The following IMMP2L variants were observed in gnomAD, a reference collection of about 807,000 sequenced individuals.
IMMP2L encodes mitochondrial inner membrane protease subunit 2.
Under a neutral mutation model 19.3 loss-of-function variants are expected in IMMP2L, and 18 were observed. The ratio of observed to expected loss-of-function variants is 0.93; its 90% CI spans 0.64 to 1.38. The LOEUF is 1.38. Ranked by LOEUF, IMMP2L falls within the 40% of genes most tolerant of loss-of-function variation. The pLI is 0.00. For synonymous variants in IMMP2L, 76 were observed against 73.0 expected, an observed-to-expected ratio of 1.04 and a Z score of -0.21; for missense variants, 233 against 218.2, an observed-to-expected ratio of 1.07 and a Z score of -0.43.
intron 3 of IMMP2L, among the ~76,000 whole-genome samples, chr7:111,286,559 T>C (rs779755600): frequency 3.3e-5 from 5 of 152,168 alleles, no homozygotes; most frequent in Non-Finnish European, 5.9e-5. Context: ...AGAAATATTA[T>C]GCAAATATTA....
intron 3 of IMMP2L, among the ~76,000 whole-genome samples, chr7:111,161,754 A>G (rs1805287685): frequency 6.6e-6 from 1 of 151,986 alleles, no homozygotes; most frequent in Non-Finnish European, 1.5e-5. Flanking sequence ...ATAGTAGCGA[A>G]CAGACTTCAG....
chr7:111,496,159 G>C (rs904413837), intron 2 of IMMP2L, among the ~76,000 whole-genome samples: 7 of 152,164 alleles, frequency 4.6e-5, no homozygotes, highest in African/African-American at 1.7e-4. Context: ...ACCTTTGAAA[G>C]AATGCGGACA....
At chr7:111,127,129 A>G (rs1392809806) in intron 3 of IMMP2L, among the ~76,000 whole-genome samples, 1 of 152,222 alleles carries the variant, frequency 6.6e-6, no homozygotes, top group Non-Finnish European at 1.5e-5. Context: ...CTCAAACACA[A>G]ATTTTACAAC....
At chr7:111,149,133 CA>C (rs1803803649) in intron 3 of IMMP2L, among the ~76,000 whole-genome samples, 1 of 151,948 alleles carries the variant, frequency 6.6e-6, no homozygotes, top group African/African-American at 2.4e-5. Flanking sequence ...ATATACAACA[CA>C]GAGAAGATAA....
At chr7:111,117,448 C>T (rs147402071) in intron 3 of IMMP2L, among the ~76,000 whole-genome samples, 180 of 152,110 alleles carry the variant, frequency 1.2e-3, no homozygotes, top group Non-Finnish European at 2.2e-3. Context: ...AATTTTCTTT[C>T]GGTGTATCAA....
chr7:111,140,339 T>C (rs1453256981), intron 3 of IMMP2L, among the ~76,000 whole-genome samples: 7 of 152,160 alleles, frequency 4.6e-5, no homozygotes. Context: ...CAAAGGCAGA[T>C]ATGACATGAA....
chr7:111,561,286 AGG>A (rs1792012344), intron 1 of IMMP2L, among the ~76,000 whole-genome samples: 1 of 152,214 alleles, frequency 6.6e-6, no homozygotes, highest in African/African-American at 2.4e-5. Flanking sequence ...CCAGAGAAAA[AGG>A]CCCAGCCTGG....
At chr7:111,065,826 A>C (rs990917752) in intron 3 of IMMP2L, among the ~76,000 whole-genome samples, 1 of 152,084 alleles carries the variant, frequency 6.6e-6, no homozygotes, top group East Asian at 1.9e-4. Flanking sequence ...TTGTAAGATA[A>C]TACTACTTAA....
intron 3 of IMMP2L, chr7:111,392,022 T>C: frequency 4.3e-6 from 3 of 702,096 alleles, no homozygotes; most frequent in Non-Finnish European, 7.8e-6. Context: ...TCTCCTACCT[T>C]TGTATATGCA....
chr7:111,252,382 C>A (rs1587051551), intron 3 of IMMP2L, among the ~76,000 whole-genome samples: 1 of 152,176 alleles, frequency 6.6e-6, no homozygotes, highest in East Asian at 1.9e-4. Flanking sequence ...CTGAATTAGG[C>A]AGTATAAAAC....
chr7:110,937,378 C>G (rs1376915551), intron 4 of IMMP2L, among the ~76,000 whole-genome samples: 2 of 152,050 alleles, frequency 1.3e-5, no homozygotes, highest in African/African-American at 2.4e-5. Context: ...TTTATGTACA[C>G]CCAGTTTGGG....
chr7:110,808,393 G>A (rs1404648473), intron 5 of IMMP2L, among the ~76,000 whole-genome samples: 1 of 152,054 alleles, frequency 6.6e-6, no homozygotes, highest in Non-Finnish European at 1.5e-5. Context: ...TATAATAGGA[G>A]AAGGGAATCA....
chr7:111,486,959 TA>T (rs750744136), intron 3 of IMMP2L, among the ~76,000 whole-genome samples: 6 of 152,134 alleles, frequency 3.9e-5, no homozygotes, highest in Non-Finnish European at 8.8e-5. Flanking sequence ...TATTCCAAAG[TA>T]GTACCAAATG....
intron 3 of IMMP2L, among the ~76,000 whole-genome samples, chr7:110,984,959 A>G (rs1195692261): frequency 2.6e-5 from 4 of 152,100 alleles, no homozygotes; most frequent in South Asian, 2.1e-4. Flanking sequence ...GGTGGGCTCA[A>G]TGTAATCACA....
chr7:111,558,366 G>A (rs568843644), intron 1 of IMMP2L, among the ~76,000 whole-genome samples: 55 of 152,274 alleles, frequency 3.6e-4, no homozygotes, highest in African/African-American at 1.3e-3. Flanking sequence ...AAGGGCAAGG[G>A]ATAGAAGGGT....
Position 111,464,875 on chromosome 7 carries a change from G to A in IMMP2L, c.239+22363C>T, listed in dbSNP as rs193213333. Among the ~76,000 whole-genome samples the A allele has an allele frequency of 2.5e-3, 375 of 152,140 alleles. 3 individuals carry two copies. The highest frequency in any genetic ancestry group is 8.5e-3 in the African/African-American group (353 of 41,486). On this transcript the variant is annotated intron_variant, in intron 3 of 5. Transcript: ENST00000405709. The stretch of plus-strand genomic sequence containing the variant: ...GCGACCTCGCCTCACTGCAAGCTCC[G>A]CCTCCCGGGTTCACGCCATTCTCTC...
chr7:111,370,716 AG>A (rs1360009973), intron 3 of IMMP2L, among the ~76,000 whole-genome samples: 2 of 151,936 alleles, frequency 1.3e-5, no homozygotes, highest in Non-Finnish European at 2.9e-5. Context: ...ACAAAAAGGC[AG>A]CATGTTAACG....
chr7:111,115,789 T>C (rs1041246354), intron 3 of IMMP2L, among the ~76,000 whole-genome samples: 1 of 152,056 alleles, frequency 6.6e-6, no homozygotes, highest in African/African-American at 2.4e-5. Flanking sequence ...TGCCTCAGCC[T>C]CCCGAGTAGC....
At chr7:111,506,399 T>A (rs1229602007) in intron 2 of IMMP2L, among the ~76,000 whole-genome samples, 1 of 151,880 alleles carries the variant, frequency 6.6e-6, no homozygotes, top group Non-Finnish European at 1.5e-5. Context: ...CAAAACTACA[T>A]CCATATCTTC....
Sources: allele counts gnomAD v4.1 joint callset (sites outside exome capture counted in the v4.1 genomes callset), GRCh38; gene constraint gnomAD v4.1.1; transcripts MANE v1.5; gene names NCBI Gene and HGNC (gene_info 2026-07-23, HGNC 2026-07-21).